TNFAIP8: variants seen among roughly 807,000 people sequenced by gnomAD.
TNFAIP8 encodes the protein TNF alpha induced protein 8.
TNFAIP8 carries 7 observed loss-of-function variants against 13.3 expected under a neutral mutation model. The observed-to-expected ratio is 0.52, with a 90% CI of 0.30 to 0.99. The LOEUF (loss-of-function observed/expected upper bound fraction) is 0.99. Ranked by LOEUF, TNFAIP8 falls within the 50% of genes least tolerant of loss-of-function variation. The pLI is 0.07. For synonymous variants in TNFAIP8, 94 were observed against 87.6 expected, an observed-to-expected ratio of 1.07 and a Z score of -0.41; for missense variants, 258 against 236.9, an observed-to-expected ratio of 1.09 and a Z score of -0.58.
chr5:119,293,583 T>C (rs1749064155), intron 1 of TNFAIP8, among the ~76,000 whole-genome samples: 1 of 152,240 alleles, frequency 6.6e-6, no homozygotes. Flanking sequence ...TTGTCACTAT[T>C]TATTCCGGAT....
At chr5:119,377,541 G>T (rs866868044) in intron 1 of TNFAIP8, among the ~76,000 whole-genome samples, 3 of 152,180 alleles carry the variant, frequency 2.0e-5, no homozygotes, top group Middle Eastern at 3.4e-3. Flanking sequence ...GTTTTCTCCT[G>T]GGATCATTGT....
Position 119,393,622 on chromosome 5 carries a change from T to A in TNFAIP8, c.*241T>A, listed in dbSNP as rs1396889364. On this transcript the variant is annotated 3_prime_UTR_variant, in exon 2 of 2. Transcript: ENST00000504771. The stretch of plus-strand genomic sequence containing the variant: ...ACAGACCATGGGAGAGATATGTGGT[T>A]GGGTAATGCAAATGTAGTTATACAA... The A allele has an allele frequency of 1.5e-5, 7 of 481,214 alleles. No individual in the cohort carries two copies. Among genetic ancestry groups the A allele is most frequent in the Non-Finnish European group, 2.2e-5 (6 of 268,636 alleles). 29.8% of individuals were successfully genotyped at this position (481,214 alleles called of 1,614,324 possible). A position where few individuals can be genotyped will look rare whatever the true frequency, so the allele number is the denominator to read the frequency against.
intron 1 of TNFAIP8, among the ~76,000 whole-genome samples, chr5:119,321,281 G>A (rs1750046690): frequency 6.6e-6 from 1 of 152,126 alleles, no homozygotes. Flanking sequence ...AGACTTGTGG[G>A]CATCAGTTTT....
At chr5:119,317,163 T>A (rs571197907) in intron 1 of TNFAIP8, among the ~76,000 whole-genome samples, 1 of 152,346 alleles carries the variant, frequency 6.6e-6, no homozygotes, top group East Asian at 1.9e-4. Flanking sequence ...GGCCTGTCCT[T>A]GTGGCTGGTG....
intron 1 of TNFAIP8, among the ~76,000 whole-genome samples, chr5:119,360,935 T>C (rs945212690): frequency 1.3e-5 from 2 of 152,230 alleles, no homozygotes; most frequent in African/African-American, 4.8e-5. Context: ...ATTTTGAAAG[T>C]TGTAGACCAA....
chr5:119,309,642 A>G (rs1749671863), intron 1 of TNFAIP8, among the ~76,000 whole-genome samples: 1 of 152,218 alleles, frequency 6.6e-6, no homozygotes, highest in East Asian at 1.9e-4. Flanking sequence ...CGGTGTTCAG[A>G]CTATGGGAGG....
chr5:119,286,289 C>T (rs1748774614), intron 1 of TNFAIP8, among the ~76,000 whole-genome samples: 1 of 152,088 alleles, frequency 6.6e-6, no homozygotes, highest in Non-Finnish European at 1.5e-5. Flanking sequence ...GTTATTGATT[C>T]CTCTAACCCA....
chr5:119,321,032 C>T (rs569976551), intron 1 of TNFAIP8, among the ~76,000 whole-genome samples: 3 of 152,274 alleles, frequency 2.0e-5, no homozygotes, highest in Admixed American at 6.5e-5. Flanking sequence ...CTGTTTAACA[C>T]GGTGAAACCC....
chr5:119,280,394 C>T (rs2150803926), intron 1 of TNFAIP8, among the ~76,000 whole-genome samples: 1 of 133,960 alleles, frequency 7.5e-6, no homozygotes, highest in South Asian at 2.2e-4. Flanking sequence ...GAGTCTCCTT[C>T]CTTTAAATTT....
chr5:119,283,897 C>G (rs2150806274), intron 1 of TNFAIP8, among the ~76,000 whole-genome samples: 1 of 152,298 alleles, frequency 6.6e-6, no homozygotes, highest in South Asian at 2.1e-4. Flanking sequence ...GTTTCTATTC[C>G]ATTTTATTAA....
At chr5:119,375,662 C>T (rs751162644) in intron 1 of TNFAIP8, among the ~76,000 whole-genome samples, 52 of 152,076 alleles carry the variant, frequency 3.4e-4, no homozygotes, top group Non-Finnish European at 6.6e-4. Flanking sequence ...TCATCAACAT[C>T]AAAGGATTAT....
rs1201942751 is a variant in TNFAIP8, at chr5:119,397,092, T to A, written c.*3711T>A. 6.6e-6 allele frequency: 1 copy of A among 150,494 alleles called. No homozygotes were observed. Among genetic ancestry groups the A allele is most frequent in the Non-Finnish European group, 1.5e-5 (1 of 67,810 alleles). The allele number at this position is 150,494 out of a possible 1,614,324, so 9.3% of individuals were successfully genotyped here. On this transcript the variant is annotated 3_prime_UTR_variant, in exon 2 of 2. Coordinates refer to ENST00000504771, the MANE Select transcript of TNFAIP8 (RefSeq NM_014350.4). ...TATATAATAGTATGCCATTCACAAT[T>A]ATCTGGAAAGTTCTTTTTCTCCCAC...
intron 1 of TNFAIP8, among the ~76,000 whole-genome samples, chr5:119,367,157 A>G (rs1580427981): frequency 6.6e-6 from 1 of 152,342 alleles, no homozygotes; most frequent in East Asian, 1.9e-4. Flanking sequence ...ATGTAACATC[A>G]TGGTCCATTG....
Position 119,397,706 on chromosome 5 carries a change from T to C in TNFAIP8, c.*4325T>C, listed in dbSNP as rs1050644953. On this transcript the variant is annotated 3_prime_UTR_variant, in exon 2 of 2. Transcript: ENST00000504771. ...CCAGAAAATGAGTCAGCTTTTTGTT[T>C]CCAAAATGATGCAACAGGAAAACCT... 1 of 152,212 alleles carries C rather than the reference T, an allele frequency of 6.6e-6. No homozygotes were observed. Among genetic ancestry groups the C allele is most frequent in the African/African-American group, 2.4e-5 (1 of 41,448 alleles). 9.4% of individuals were successfully genotyped at this position (152,212 alleles called of 1,614,324 possible).
intron 1 of TNFAIP8, among the ~76,000 whole-genome samples, chr5:119,302,567 C>T (rs944227153): frequency 1.3e-5 from 2 of 152,152 alleles, no homozygotes; most frequent in Non-Finnish European, 2.9e-5. Context: ...TCACCTTTAT[C>T]ATATTGAATA....
intron 1 of TNFAIP8, among the ~76,000 whole-genome samples, chr5:119,375,605 A>T (rs534480525): frequency 6.6e-6 from 1 of 152,320 alleles, no homozygotes; most frequent in East Asian, 1.9e-4. Flanking sequence ...TGATCTTTTT[A>T]GTTATTTTCT....
upstream of TNFAIP8, among the ~76,000 whole-genome samples, chr5:119,353,706 A>G (rs1471364487): frequency 2.7e-5 from 4 of 146,546 alleles, no homozygotes; most frequent in African/African-American, 4.8e-5. Context: ...CAAGTAGCAC[A>G]TTAAAGGACA....
chr5:119,269,034 T>G (rs1748182596), intron 1 of TNFAIP8: 1 of 592,580 alleles, frequency 1.7e-6, no homozygotes, highest in Non-Finnish European at 3.0e-6. Flanking sequence ...TGAGTGAGTG[T>G]GAGTGGGTGC....
chr5:119,325,452 A>C (rs1750193736), intron 1 of TNFAIP8, among the ~76,000 whole-genome samples: 4 of 151,726 alleles, frequency 2.6e-5, no homozygotes, highest in Admixed American at 2.0e-4. Flanking sequence ...TTGTTTATTT[A>C]TTTATTTATT....
Sources: gnomAD v4.1 joint callset for allele counts (sites outside exome capture counted in the v4.1 genomes callset) on GRCh38, gnomAD v4.1.1 for gene constraint, MANE v1.5 for transcripts, NCBI Gene and HGNC (gene_info 2026-07-23, HGNC 2026-07-21) for gene names.